SPATA16: variants seen among roughly 807,000 people sequenced by gnomAD.
The protein encoded by SPATA16 is spermatogenesis associated 16, also known as spermatogenesis-associated protein 16.
SPATA16 carries 36 observed loss-of-function variants against 63.3 expected under a neutral mutation model. The observed-to-expected ratio is 0.57, with a 90% CI of 0.44 to 0.75. SPATA16 has a LOEUF of 0.75. SPATA16 is among the 30% of genes least tolerant of loss of function. The probability of loss-of-function intolerance (pLI) is 0.00; values close to 1 mark genes in which losing one functional copy is unlikely to be tolerated. For missense variants in SPATA16, 646 were observed against 679.3 expected (o/e 0.95, Z 0.54); for synonymous variants, 203 against 216.7 (o/e 0.94, Z 0.56).
In SPATA16 at chr3:172,979,110, G is replaced by A. The variant is rs535168058; in HGVS notation, c.849-2058C>T. Among the ~76,000 whole-genome samples, 30 of 152,240 alleles carry A rather than the reference G, an allele frequency of 2.0e-4. 1 individual carries two copies. Among genetic ancestry groups the A allele is most frequent in the Admixed American group, 1.3e-3 (20 of 15,296 alleles). ...AAATTAGCCACGTGTGGCGGCGGGC[G>A]CCTGTAGTCCCAGCTACTCGGGAGG... On this transcript the variant is annotated intron_variant, in intron 4 of 10. Transcript: ENST00000351008.
chr3:173,024,512 A>G (rs1735407162), intron 3 of SPATA16, among the ~76,000 whole-genome samples: 1 of 150,944 alleles, frequency 6.6e-6, no homozygotes, highest in Non-Finnish European at 1.5e-5. Flanking sequence ...TTTTGTATTG[A>G]TGAATTAGGT....
At chr3:173,133,766 A>G (rs984587427) in intron 1 of SPATA16, among the ~76,000 whole-genome samples, 25 of 152,194 alleles carry the variant, frequency 1.6e-4, no homozygotes, top group African/African-American at 5.5e-4. Context: ...AGGCTGATGG[A>G]ATTTCAGACA....
intron 5 of SPATA16, among the ~76,000 whole-genome samples, chr3:172,961,086 C>CTTCCTTCCTTCCTTCG (rs1255552666): frequency 5.9e-5 from 7 of 119,066 alleles, no homozygotes; most frequent in African/African-American, 2.1e-4. Context: ...TCCTTCCTTC[C>CTTCCTTCCTTCCTTCG]TTCCTTCCTT....
At chr3:172,941,723 A>G (rs1458891852) in intron 6 of SPATA16, among the ~76,000 whole-genome samples, 1 of 152,208 alleles carries the variant, frequency 6.6e-6, no homozygotes, top group East Asian at 1.9e-4. Context: ...AAGAACTGAA[A>G]TGCGAGAAAA....
chr3:173,070,509 A>T (rs1284466838), intron 2 of SPATA16, among the ~76,000 whole-genome samples: 1 of 152,306 alleles, frequency 6.6e-6, no homozygotes, highest in South Asian at 2.1e-4. Flanking sequence ...CCAAATTAGA[A>T]AGGAAGAAAT....
chr3:173,048,846 T>C, intron 3 of SPATA16, 103 bp downstream of exon 3: 1 of 1,446,680 alleles, frequency 6.9e-7, no homozygotes, highest in South Asian at 1.2e-5. Flanking sequence ...TGTTTGTTTC[T>C]TCTTTAAATT....
At chr3:173,051,480 C>T (rs148815034) in intron 2 of SPATA16, among the ~76,000 whole-genome samples, 2,700 of 152,226 alleles carry the variant, frequency 0.018, 74 homozygotes, top group African/African-American at 0.062. Context: ...GGATTACAGG[C>T]GTGAGCCACC....
intron 8 of SPATA16, among the ~76,000 whole-genome samples, chr3:172,920,321 A>G (rs1426859937): frequency 2.0e-5 from 3 of 152,200 alleles, no homozygotes; most frequent in Non-Finnish European, 2.9e-5. Context: ...CTCCTAAACC[A>G]TAGTTCCAAA....
At chr3:173,024,735 T>G (rs547692694) in intron 3 of SPATA16, among the ~76,000 whole-genome samples, 1 of 150,950 alleles carries the variant, frequency 6.6e-6, no homozygotes, top group South Asian at 2.1e-4. Context: ...AAACTGATAT[T>G]AGGTTTAGCT....
At chr3:172,920,217 T>G (rs543854563) in intron 8 of SPATA16, among the ~76,000 whole-genome samples, 1 of 152,290 alleles carries the variant, frequency 6.6e-6, no homozygotes, top group South Asian at 2.1e-4. Flanking sequence ...ATTGGTAAAA[T>G]GAAGGTGACA....
chr3:172,977,820 T>C (rs1734200225), intron 4 of SPATA16, among the ~76,000 whole-genome samples: 1 of 152,184 alleles, frequency 6.6e-6, no homozygotes, highest in Non-Finnish European at 1.5e-5. Context: ...ATTAAACATA[T>C]AATAATCCTG....
chr3:172,996,564 T>C (rs1364081476), intron 4 of SPATA16, among the ~76,000 whole-genome samples: 1 of 152,094 alleles, frequency 6.6e-6, no homozygotes, highest in Non-Finnish European at 1.5e-5. Flanking sequence ...CTCCCTGATC[T>C]CTTCCTCAAC....
chr3:172,910,374 G>A (rs1732343504), intron 10 of SPATA16, among the ~76,000 whole-genome samples: 1 of 152,168 alleles, frequency 6.6e-6, no homozygotes, highest in African/African-American at 2.4e-5. Context: ...TTACAGGCGT[G>A]AGCCACTGCG....
chr3:173,065,809 AGAG>A (rs1272033163), intron 2 of SPATA16, among the ~76,000 whole-genome samples: 5 of 152,204 alleles, frequency 3.3e-5, no homozygotes, highest in Admixed American at 3.3e-4. Context: ...GCCCTGGGCC[AGAG>A]GGGAATTCCC....
intron 1 of SPATA16, among the ~76,000 whole-genome samples, chr3:173,128,959 A>C (rs77851041): frequency 0.11 from 16,428 of 152,320 alleles, 1,198 homozygotes; most frequent in Admixed American, 0.2. Flanking sequence ...CCACGGATGA[A>C]GCAGTCTGCC....
At chr3:173,024,106 T>A (rs754740870) in intron 3 of SPATA16, among the ~76,000 whole-genome samples, 2 of 144,110 alleles carry the variant, frequency 1.4e-5, no homozygotes, top group Admixed American at 6.7e-5. Context: ...AGGTATGGGA[T>A]TTTTTTCTAT....
At chr3:173,090,450 T>C (rs1386501409) in intron 2 of SPATA16, among the ~76,000 whole-genome samples, 1 of 152,202 alleles carries the variant, frequency 6.6e-6, no homozygotes, top group Non-Finnish European at 1.5e-5. Flanking sequence ...TTTACAGCAA[T>C]GCAAGAATGG....
intron 6 of SPATA16, among the ~76,000 whole-genome samples, chr3:172,939,126 A>G (rs1040612606): frequency 1.1e-4 from 17 of 152,004 alleles, no homozygotes; most frequent in Non-Finnish European, 8.8e-5. Flanking sequence ...CTCTCCATGC[A>G]TTATGATTTT....
intron 10 of SPATA16, among the ~76,000 whole-genome samples, chr3:172,910,067 G>T (rs571716600): frequency 6.7e-6 from 1 of 150,218 alleles, no homozygotes; most frequent in African/African-American, 2.5e-5. Flanking sequence ...GAGAGGTAAT[G>T]CTCTACACCA....
Sources: allele counts gnomAD v4.1 joint callset (sites outside exome capture counted in the v4.1 genomes callset), GRCh38; gene constraint gnomAD v4.1.1; transcripts MANE v1.5; gene names NCBI Gene and HGNC (gene_info 2026-07-23, HGNC 2026-07-21).